Variants in ARHGEF2 observed in about 807,000 individuals in gnomAD.
The protein encoded by ARHGEF2 is rho guanine nucleotide exchange factor 2.
Under a neutral mutation model 121.0 loss-of-function variants are expected in ARHGEF2, and 22 were observed. The observed-to-expected ratio is 0.18, with a 90% CI of 0.13 to 0.26. The LOEUF is 0.26. Ranked by LOEUF, ARHGEF2 falls within the 10% of genes least tolerant of loss-of-function variation. The probability of loss-of-function intolerance (pLI) is 1.00; values close to 1 mark genes in which losing one functional copy is unlikely to be tolerated. For missense variants in ARHGEF2, 907 were observed against 1,336.0 expected (o/e 0.68, Z 5.01); for synonymous variants, 487 against 530.0 (o/e 0.92, Z 1.11).
chr1:155,971,515 G>T (rs947208111), intron 1 of ARHGEF2, among the ~76,000 whole-genome samples: 1 of 140,168 alleles, frequency 7.1e-6, no homozygotes, highest in Non-Finnish European at 1.5e-5. Flanking sequence ...GGAGGTTGGA[G>T]GTTGTGGTGG....
chr1:155,958,895 T>G (rs952320122), intron 11 of ARHGEF2, among the ~76,000 whole-genome samples: 1 of 114,834 alleles, frequency 8.7e-6, no homozygotes, highest in Non-Finnish European at 1.7e-5. Flanking sequence ...TCTTACAGCT[T>G]AAAAACAGTG....
At chr1:155,952,588 G>A (rs753670259) in intron 15 of ARHGEF2, 40 bp downstream of exon 15, 3 of 1,568,280 alleles carry the variant, frequency 1.9e-6, no homozygotes, top group Admixed American at 3.6e-5. Flanking sequence ...CTGTGACGGT[G>A]AGTGCTTGAG....
At chr1:155,973,640 G>C (rs1300817313) in intron 1 of ARHGEF2, among the ~76,000 whole-genome samples, 1 of 152,056 alleles carries the variant, frequency 6.6e-6, no homozygotes, top group African/African-American at 2.4e-5. Context: ...CAACTACTCA[G>C]GAGGCTGAGG....
chr1:155,974,485 G>A (rs927549444), intron 1 of ARHGEF2, among the ~76,000 whole-genome samples: 11 of 152,090 alleles, frequency 7.2e-5, no homozygotes, highest in Admixed American at 2.6e-4. Flanking sequence ...AGGGATTGCT[G>A]GGGGTGGGAC....
At chr1:155,958,893 C>T (rs1262676395) in intron 11 of ARHGEF2, among the ~76,000 whole-genome samples, 1 of 130,780 alleles carries the variant, frequency 7.6e-6, no homozygotes, top group Non-Finnish European at 1.6e-5. Flanking sequence ...ATTCTTACAG[C>T]TTAAAAACAG....
In ARHGEF2 at chr1:155,962,916, G is replaced by A; in HGVS notation, c.975+17C>T. On this transcript the variant is annotated intron_variant, in intron 8 of 21. Transcript: ENST00000361247. The surrounding 1 kb of genome is among the most constrained non-coding windows in gnomAD (Gnocchi z 5.8). ...CTCCTTCCATGAATGTCACCCAGGG[G>A]TCCTGCCTTTTCCCACCTGGCTGAT... 1 of 1,613,994 alleles carries A rather than the reference G, an allele frequency of 6.2e-7. No homozygotes were observed. Among genetic ancestry groups the A allele is most frequent in the Non-Finnish European group, 8.5e-7 (1 of 1,179,904 alleles).
chr1:155,966,288 T>C, intron 4 of ARHGEF2, 128 bp downstream of exon 4: 1 of 905,856 alleles, frequency 1.1e-6, no homozygotes, highest in African/African-American at 1.6e-5. Context: ...GCCCCCACTA[T>C]CTGCTTCCAA....
At chr1:155,966,118 T>G (rs1163994647) in intron 4 of ARHGEF2, among the ~76,000 whole-genome samples, 1 of 152,152 alleles carries the variant, frequency 6.6e-6, no homozygotes, top group African/African-American at 2.4e-5. Flanking sequence ...GAATTGACAC[T>G]TGACAGCTGC....
chr1:155,952,137 T>G lies in ARHGEF2; in HGVS notation c.2083A>C (p.Thr695Pro). 1 of 1,614,122 alleles carries G rather than the reference T, an allele frequency of 6.2e-7. No homozygotes were observed. The highest frequency in any genetic ancestry group is 8.5e-7 in the Non-Finnish European group (1 of 1,180,014). Residue 695 changes from threonine (T) to proline (P), a missense_variant, in exon 16 of 22, where the codon ACG (threonine) becomes CCG (proline). By Grantham distance (38) the Thr-to-Pro change is conservative (BLOSUM62 -1). This residue lies in a region of ARHGEF2 where 432 missense variants were observed against 559.5 expected (regional missense o/e 0.77). Transcript: ENST00000361247. ...LPLEPDSGGN[T>P]SPGVTANGEA... ...TCACTGGCAGTGACCCCAGGACTCGTGTTACCACCGCTGTCTGGTTCCAAG... is the reference window on the plus strand; with the variant it reads ...TCACTGGCAGTGACCCCAGGACTCGGGTTACCACCGCTGTCTGGTTCCAAG...
intron 14 of ARHGEF2, among the ~76,000 whole-genome samples, chr1:155,953,786 A>AAGGGTAT (rs1458777832): frequency 1.5e-4 from 23 of 151,758 alleles, no homozygotes; most frequent in Non-Finnish European, 5.9e-5. Context: ...AAAAAGAAAA[A>AAGGGTAT]AGGGTATAAA....
chr1:155,967,303 G>A (rs1315279102), intron 2 of ARHGEF2, among the ~76,000 whole-genome samples: 1 of 152,182 alleles, frequency 6.6e-6, no homozygotes, highest in East Asian at 1.9e-4. Context: ...GGGGCAGAGG[G>A]GAAATTTACA....
chr1:155,963,246 G>C, intron 7 of ARHGEF2, 63 bp from the exon 8 acceptor site: 1 of 1,560,548 alleles, frequency 6.4e-7, no homozygotes, highest in Non-Finnish European at 8.7e-7. Flanking sequence ...TGGGGCCCTA[G>C]GATAAGGACC....
At chr1:155,958,525 C>G (rs1677152279) in intron 11 of ARHGEF2, 129 bp from the exon 12 acceptor site, 2 of 648,226 alleles carry the variant, frequency 3.1e-6, no homozygotes, top group Admixed American at 2.9e-5. Flanking sequence ...GGCCTCTCTT[C>G]CCTCTGGCTG....
chr1:155,954,530 C>T (rs1224214620), intron 14 of ARHGEF2, among the ~76,000 whole-genome samples: 10 of 150,696 alleles, frequency 6.6e-5, no homozygotes, highest in Admixed American at 2.0e-4. Context: ...CCTCGTGATC[C>T]GCCCACCTCG....
At position 155,947,862 on chromosome 1, in the gene ARHGEF2, A is replaced by G. The variant is rs1674634296; in HGVS notation, c.*80T>C. The stretch of plus-strand genomic sequence containing the variant: ...CAGTTCTTTCAAATGTTCCCTCATC[A>G]TTGGCAAATTGGAGTCCCCAAGGTT... On this transcript the variant is annotated 3_prime_UTR_variant, in exon 22 of 22. Coordinates refer to ENST00000361247, the MANE Select transcript of ARHGEF2 (RefSeq NM_001162383.2). 1 of 791,826 alleles carries G rather than the reference A, an allele frequency of 1.3e-6. No homozygotes were observed. Among genetic ancestry groups the G allele is most frequent in the Non-Finnish European group, 2.0e-6 (1 of 489,568 alleles). 49.1% of individuals were successfully genotyped at this position (791,826 alleles called of 1,614,324 possible). A position where few individuals can be genotyped will look rare whatever the true frequency, so the allele number is the denominator to read the frequency against.
upstream of ARHGEF2, chr1:155,979,322 G>A (rs904255934): frequency 8.9e-5 from 88 of 985,298 alleles, no homozygotes; most frequent in Admixed American, 1.8e-4. Flanking sequence ...AAGTTAAGCC[G>A]GAACTGAAAG....
chr1:155,951,165 C>T lies in ARHGEF2; in HGVS notation c.2367G>A (p.Arg789=). 6.2e-7 allele frequency: 1 copy of T among 1,605,354 alleles called. No individual in the cohort carries two copies. Among genetic ancestry groups the T allele is most frequent in the Non-Finnish European group, 8.5e-7 (1 of 1,177,400 alleles). Residue 789 remains arginine (R), a synonymous_variant, in exon 20 of 22, where the codon AGG becomes AGA. Transcript: ENST00000361247. This position sits in a 1 kb window ranked among gnomAD's most constrained non-coding sequence, Gnocchi z 5.1. ...CAGGGGCCACAGGGGCAGCCCCAGC[C>T]CTGCCAGCCTCCCCATCCCGAGAGT... ...RANSRDGEAG[R]AGAAPVAPEK...
At position 155,947,427 on chromosome 1, in the gene ARHGEF2, G is replaced by A. The variant is rs768811342; in HGVS notation, c.*515C>T. On this transcript the variant is annotated 3_prime_UTR_variant, in exon 22 of 22. Transcript: ENST00000361247. The stretch of plus-strand genomic sequence containing the variant: ...ACAGCAGTAAGAGGTTGAGGGGAGA[G>A]GAGAAAGGGACATGGCCCTGCCCAC... 2.2e-6 allele frequency: 1 copy of A among 456,534 alleles called. No homozygotes were observed. The highest frequency in any genetic ancestry group is 4.4e-6 in the Non-Finnish European group (1 of 226,844). The allele number at this position is 456,534 out of a possible 1,614,324, so 28.3% of individuals were successfully genotyped here.
At chr1:155,956,392 C>T (rs1225020919) in intron 13 of ARHGEF2, among the ~76,000 whole-genome samples, 1 of 151,932 alleles carries the variant, frequency 6.6e-6, no homozygotes, top group Non-Finnish European at 1.5e-5. Flanking sequence ...AGCCACTGTG[C>T]CTGGCCTGCA....
Sources: gnomAD v4.1 joint callset for allele counts (sites outside exome capture counted in the v4.1 genomes callset) on GRCh38, gnomAD v4.1.1 for gene constraint, gnomAD v4.1.1 regional missense constraint, Gnocchi (gnomAD v3.1) non-coding constraint, MANE v1.5 for transcripts, NCBI Gene and HGNC (gene_info 2026-07-23, HGNC 2026-07-21) for gene names.